CDC42BPA: variants seen among roughly 807,000 people sequenced by gnomAD.
CDC42BPA encodes the protein serine/threonine-protein kinase MRCK alpha.
In CDC42BPA, 80 loss-of-function variants were observed where a neutral mutation model predicts 223.5. The ratio of observed to expected loss-of-function variants is 0.36; its 90% CI spans 0.30 to 0.43. CDC42BPA has a LOEUF of 0.43. CDC42BPA is among the 20% of genes least tolerant of loss of function. The pLI, the probability that CDC42BPA is intolerant of heterozygous loss-of-function variation, is 1.00. For missense variants in CDC42BPA, 1,743 were observed against 2,099.9 expected (o/e 0.83, Z 3.32); for synonymous variants, 694 against 718.6 (o/e 0.97, Z 0.55).
intron 19 of CDC42BPA, among the ~76,000 whole-genome samples, chr1:227,072,715 G>C (rs1048904847): frequency 1.3e-5 from 2 of 151,958 alleles, no homozygotes; most frequent in Non-Finnish European, 2.9e-5. Flanking sequence ...TACCATTACA[G>C]GCAACCATGA....
chr1:227,059,147 T>C (rs1280772752), intron 21 of CDC42BPA, among the ~76,000 whole-genome samples: 2 of 151,906 alleles, frequency 1.3e-5, no homozygotes, highest in Non-Finnish European at 2.9e-5. Flanking sequence ...AGTTTGGTTA[T>C]AGTGATTTAT....
At position 227,026,170 on chromosome 1, in the gene CDC42BPA, G is replaced by C. The variant is rs1454549950; in HGVS notation, c.4433-18C>G. The C allele has an allele frequency of 2.2e-6, 3 of 1,394,082 alleles. No homozygotes were observed. The highest frequency in any genetic ancestry group is 2.9e-5 in the African/African-American group (2 of 69,180). 86.4% of individuals were successfully genotyped at this position (1,394,082 alleles called of 1,614,324 possible). Reference sequence around the variant, plus strand: ...ATTGTAACCTGGGAGAAGGGAAGGGGGGGCAGCTTGCGGATTACTTTTAAC... The same window carrying C: ...ATTGTAACCTGGGAGAAGGGAAGGGCGGGCAGCTTGCGGATTACTTTTAAC... On this transcript the variant is annotated intron_variant, in intron 30 of 36. Transcript: ENST00000366766.
chr1:227,029,169 C>T lies in CDC42BPA; in HGVS notation c.3920G>A (p.Gly1307Glu). ...PNDQLVAVISGRNRHVRLFPM... is the reference protein window; with the variant it reads ...PNDQLVAVISERNRHVRLFPM... ...AAAAAGTCGTACATGACGATTTCGT[C>T]CTGAGATCACAGCAACAAGCTGATC... The change falls in exon 30 of 37, where the codon GGA (glycine) becomes GAA (glutamate). Residue 1307 changes from glycine (G) to glutamate (E), a missense_variant. Around this residue, in one of 6 missense-constraint regions of CDC42BPA, gnomAD observed 678 missense variants for 777.5 expected, o/e 0.87. Coordinates refer to ENST00000366766, the MANE Select transcript of CDC42BPA (RefSeq NM_001394014.1). The T allele has an allele frequency of 6.2e-7, 1 of 1,603,376 alleles. No homozygotes were observed. Among genetic ancestry groups the T allele is most frequent in the Non-Finnish European group, 8.5e-7 (1 of 1,179,968 alleles).
chr1:227,028,994 T>G lies in CDC42BPA; in HGVS notation c.4095A>C (p.Leu1365=). Residue 1365 remains leucine, a synonymous_variant, in exon 30 of 37, where the codon CTA becomes CTC. Coordinates refer to ENST00000366766, the MANE Select transcript of CDC42BPA (RefSeq NM_001394014.1). ...AMKRQVLCYE[L]FQSKTRHRKF... ...TTCTGTGACGGGTCTTGCTCTGAAA[T>G]AGTTCATAACAGAGGACCTGCCTTT... The G allele has an allele frequency of 6.2e-7, 1 of 1,614,090 alleles. No homozygotes were observed. Among genetic ancestry groups the G allele is most frequent in the Non-Finnish European group, 8.5e-7 (1 of 1,180,018 alleles).
At chr1:227,265,244 T>C in intron 1 of CDC42BPA, 1 of 553,054 alleles carries the variant, frequency 1.8e-6, no homozygotes, top group East Asian at 3.0e-5. Context: ...GGTGTTAGTT[T>C]GATTGCCGCT....
At position 227,204,980 on chromosome 1, in the gene CDC42BPA, C is replaced by T. The variant is rs182895868; in HGVS notation, c.355-5328G>A. On this transcript the variant is annotated intron_variant, in intron 3 of 36. Coordinates refer to ENST00000366766, the MANE Select transcript of CDC42BPA (RefSeq NM_001394014.1). ...TAATAAAAAATATAGCCATTCAGGCCGGGCACAGTGGCTCGCGCCTGTAAT... is the reference window on the plus strand; with the variant it reads ...TAATAAAAAATATAGCCATTCAGGCTGGGCACAGTGGCTCGCGCCTGTAAT... 8.2e-3 allele frequency among the ~76,000 whole-genome samples: 1,244 copies of T among 152,042 alleles called. 5 individuals are homozygous for T. Among genetic ancestry groups the T allele is most frequent in the Non-Finnish European group, 0.015 (993 of 67,982 alleles).
At chr1:227,258,346 GA>G (rs1475671337) in intron 1 of CDC42BPA, among the ~76,000 whole-genome samples, 2 of 150,516 alleles carry the variant, frequency 1.3e-5, no homozygotes, top group African/African-American at 5.0e-5. Context: ...GACTAAATCA[GA>G]AATTCAGAAA....
intron 23 of CDC42BPA, 63 bp from the exon 24 acceptor site, chr1:227,040,299 T>C (rs764477820): frequency 2.6e-5 from 24 of 923,790 alleles, no homozygotes; most frequent in East Asian, 4.9e-5. Context: ...ATGTGAGTCC[T>C]TATGCCCCAT....
At chr1:227,255,531 T>G (rs2718210) in intron 1 of CDC42BPA, among the ~76,000 whole-genome samples, 1 of 151,946 alleles carries the variant, frequency 6.6e-6, no homozygotes, top group Non-Finnish European at 1.5e-5. Flanking sequence ...CATATGCCTG[T>G]AGTCCTTAGC....
At position 227,080,911 on chromosome 1, in the gene CDC42BPA, A is replaced by G. The variant is rs368909157; in HGVS notation, c.2462T>C (p.Ile821Thr). The G allele has an allele frequency of 4.3e-6, 7 of 1,613,618 alleles. No homozygotes were observed. The African/African-American group carries it at 9.3e-5, about 22-fold the overall frequency. The part of the protein sequence containing the change: ...KESVAHWEAQ[I>T]TEIIQWVSDE... ...CACTCACCACTGAATTATTTCTGTG[A>G]TTTGGGCTTCCCAATGTGCAACTGA... The change falls in exon 17 of 37, where the codon ATC becomes ACC. Residue 821 changes from isoleucine to threonine, a missense_variant. Around this residue, in one of 6 missense-constraint regions of CDC42BPA, gnomAD observed 464 missense variants for 488.0 expected, o/e 0.95. Transcript: ENST00000366766.
chr1:227,307,288 A>G (rs907438035), intron 1 of CDC42BPA, among the ~76,000 whole-genome samples: 1 of 152,224 alleles, frequency 6.6e-6, no homozygotes, highest in African/African-American at 2.4e-5. Flanking sequence ...AAAAATATGG[A>G]AAGGATAAAG....
intron 34 of CDC42BPA, among the ~76,000 whole-genome samples, chr1:227,007,254 T>C (rs1572205216): frequency 6.6e-6 from 1 of 152,334 alleles, no homozygotes; most frequent in East Asian, 1.9e-4. Flanking sequence ...TACTATAGGG[T>C]AATCCTTTAT....
At chr1:227,045,988 T>C (rs1456489840) in intron 23 of CDC42BPA, among the ~76,000 whole-genome samples, 1 of 152,030 alleles carries the variant, frequency 6.6e-6, no homozygotes. Context: ...GTATTTTTCA[T>C]ATAGACAGGG....
intron 16 of CDC42BPA, among the ~76,000 whole-genome samples, chr1:227,086,893 G>T (rs888106161): frequency 6.6e-6 from 1 of 151,978 alleles, no homozygotes; most frequent in Non-Finnish European, 1.5e-5. Context: ...GATTGGTTTT[G>T]AACTCCTGGG....
Position 227,318,248 on chromosome 1 carries a change from A to G in CDC42BPA, c.-1066T>C, listed in dbSNP as rs1338887374. On this transcript the variant is annotated 5_prime_UTR_variant, in exon 1 of 37. Coordinates refer to ENST00000366766, the MANE Select transcript of CDC42BPA (RefSeq NM_001394014.1). Reference sequence around the variant, plus strand: ...GCAGCTACTTCTCCCCCTTCTTCACACCCCTGGGCTAAGGGCATCTTTCCA... The same window carrying G: ...GCAGCTACTTCTCCCCCTTCTTCACGCCCCTGGGCTAAGGGCATCTTTCCA... 2 of 150,798 alleles carry G rather than the reference A, an allele frequency of 1.3e-5. No homozygotes were observed. Among genetic ancestry groups the G allele is most frequent in the African/African-American group, 5.0e-5 (2 of 40,224 alleles). The allele number at this position is 150,798 out of a possible 1,614,324, so 9.3% of individuals were successfully genotyped here. A position where few individuals can be genotyped will look rare whatever the true frequency, so the allele number is the denominator to read the frequency against.
At chr1:227,166,961 A>G (rs1665151737) in intron 5 of CDC42BPA, among the ~76,000 whole-genome samples, 1 of 152,188 alleles carries the variant, frequency 6.6e-6, no homozygotes, top group Non-Finnish European at 1.5e-5. Flanking sequence ...AGAAGGTTAC[A>G]CTTAATTGAC....
In CDC42BPA at chr1:227,294,729, G is replaced by A. The variant is rs901797374; in HGVS notation, c.178+22276C>T. ...CAAAAAATTAGCCGGGCGTGGTAGC[G>A]GGCGCCTGTAGTCCCAGCTACTCGG... is the stretch of plus-strand genomic sequence containing the variant. On this transcript the variant is annotated intron_variant, in intron 1 of 36. Coordinates refer to ENST00000366766, the MANE Select transcript of CDC42BPA (RefSeq NM_001394014.1). Among the ~76,000 whole-genome samples the A allele has an allele frequency of 6.8e-5, 8 of 116,994 alleles. 2 individuals carry two copies. The highest frequency in any genetic ancestry group is 2.7e-4 in the African/African-American group (8 of 29,726). 76.8% of individuals were successfully genotyped at this position (116,994 alleles called of 152,430 possible). A position where few individuals can be genotyped will look rare whatever the true frequency, so the allele number is the denominator to read the frequency against.
At chr1:227,126,691 T>C (rs1037182167) in intron 11 of CDC42BPA, among the ~76,000 whole-genome samples, 1 of 152,216 alleles carries the variant, frequency 6.6e-6, no homozygotes, top group Non-Finnish European at 1.5e-5. Flanking sequence ...TTCAATACTT[T>C]AAAATCAACC....
chr1:227,037,351 G>GTACT (rs1239454203), intron 24 of CDC42BPA, among the ~76,000 whole-genome samples: 2 of 152,086 alleles, frequency 1.3e-5, no homozygotes, highest in Non-Finnish European at 2.9e-5. Context: ...CAATCTACAT[G>GTACT]TACTTCCTGG....
Sources: gnomAD v4.1 joint callset for allele counts (sites outside exome capture counted in the v4.1 genomes callset) on GRCh38, gnomAD v4.1.1 for gene constraint, gnomAD v4.1.1 regional missense constraint, MANE v1.5 for transcripts, NCBI Gene and HGNC (gene_info 2026-07-23, HGNC 2026-07-21) for gene names.